TBC1D12: variants seen among roughly 807,000 people sequenced by gnomAD.
The protein encoded by TBC1D12 is TBC1 domain family, member 12.
Under a neutral mutation model 86.7 loss-of-function variants are expected in TBC1D12, and 56 were observed. The ratio of observed to expected loss-of-function variants is 0.65; its 90% CI spans 0.52 to 0.81. The LOEUF (loss-of-function observed/expected upper bound fraction) is 0.81. Among genes scored for constraint, TBC1D12 ranks in the 30% least tolerant of loss-of-function variants. The pLI is 0.00. For synonymous variants in TBC1D12, 421 were observed against 411.7 expected, an observed-to-expected ratio of 1.02 and a Z score of -0.27; for missense variants, 1,023 against 1,038.8, an observed-to-expected ratio of 0.98 and a Z score of 0.21.
At chr10:94,528,161 A>G (rs576147215) in intron 11 of TBC1D12, among the ~76,000 whole-genome samples, 1 of 152,088 alleles carries the variant, frequency 6.6e-6, no homozygotes, top group Non-Finnish European at 1.5e-5. Flanking sequence ...TATAGATTAT[A>G]TTGGGTAGTA....
rs531797574 is a variant in TBC1D12, at chr10:94,402,928, A to G, written c.315A>G (p.Arg105=). 3.1e-5 allele frequency: 47 copies of G among 1,535,992 alleles called. No individual in the cohort carries two copies. The African/African-American group carries it at 5.6e-4, about 18-fold the overall frequency. Residue 105 remains arginine, a synonymous_variant, in exon 1 of 13, where the codon CGA becomes CGG. Coordinates refer to ENST00000225235, the MANE Select transcript of TBC1D12 (RefSeq NM_015188.2). ...CCCCGCCGCCCTCGGCAGCCCCACGATCGGACGCCTGCCTGCTGGGCTCGG... is the reference window on the plus strand; with the variant it reads ...CCCCGCCGCCCTCGGCAGCCCCACGGTCGGACGCCTGCCTGCTGGGCTCGG... ...AGAPPPSAAP[R]SDACLLGSGS...
chr10:94,440,109 C>G (rs2055358042), intron 1 of TBC1D12, among the ~76,000 whole-genome samples: 1 of 152,050 alleles, frequency 6.6e-6, no homozygotes, highest in East Asian at 1.9e-4. Context: ...AGAAATTACT[C>G]TAGTGTCATA....
intron 9 of TBC1D12, among the ~76,000 whole-genome samples, chr10:94,515,624 C>T (rs1005548919): frequency 2.6e-5 from 4 of 152,182 alleles, no homozygotes; most frequent in South Asian, 2.1e-4. Context: ...GCTGGGATTA[C>T]AGGCGTGAGC....
Position 94,531,387 on chromosome 10 carries a change from A to T in TBC1D12, c.2186A>T (p.Asp729Val), listed in dbSNP as rs1185360950. ...CAGTTTCTAACTAAATTGCCAGAAG[A>T]TATCACATCGGAAAAGCTGTTCAGT... is the stretch of plus-strand genomic sequence containing the variant. ...IAQFLTKLPE[D>V]ITSEKLFSCI... is the part of the protein sequence containing the mutation. The change falls in exon 12 of 13, where the codon GAT becomes GTT. Residue 729 changes from aspartate to valine, a missense_variant. Around this residue, in one of 2 missense-constraint regions of TBC1D12, gnomAD observed 395 missense variants for 507.7 expected, o/e 0.78. Transcript: ENST00000225235. The T allele has an allele frequency of 6.2e-7, 1 of 1,614,152 alleles. No individual in the cohort carries two copies. Among genetic ancestry groups the T allele is most frequent in the Admixed American group, 1.7e-5 (1 of 60,030 alleles).
chr10:94,507,161 A>G lies in TBC1D12; in HGVS notation c.1520-106A>G. Reference sequence around the variant, plus strand: ...ATTTGCCACTTTTTTGATGCTTGCTACATCAGAGAGACCTGACCTGTAATA... The same window carrying G: ...ATTTGCCACTTTTTTGATGCTTGCTGCATCAGAGAGACCTGACCTGTAATA... On this transcript the variant is annotated intron_variant, in intron 6 of 12. Transcript: ENST00000225235. 6.7e-6 allele frequency: 7 copies of G among 1,048,956 alleles called. No homozygotes were observed. The South Asian group carries it at 1.0e-4, about 16-fold the overall frequency. The allele number at this position is 1,048,956 out of a possible 1,614,324, so 65.0% of individuals were successfully genotyped here.
intron 7 of TBC1D12, 40 bp downstream of exon 7, chr10:94,507,387 A>G: frequency 6.6e-7 from 1 of 1,521,222 alleles, no homozygotes; most frequent in Non-Finnish European, 9.0e-7. Flanking sequence ...TAGGATGAAA[A>G]TTCAGATACT....
intron 10 of TBC1D12, 31 bp downstream of exon 10, chr10:94,522,114 T>G: frequency 1.3e-6 from 2 of 1,599,094 alleles, no homozygotes; most frequent in Non-Finnish European, 1.7e-6. Flanking sequence ...CCATTGTTTC[T>G]GTAGTTTGAA....
intron 2 of TBC1D12, among the ~76,000 whole-genome samples, chr10:94,447,975 C>T (rs2055495105): frequency 6.6e-6 from 1 of 151,352 alleles, no homozygotes; most frequent in Non-Finnish European, 1.5e-5. Flanking sequence ...ATATTGGCAT[C>T]TTTAATGTGA....
At chr10:94,444,733 C>CTTT (rs528326665) in intron 2 of TBC1D12, among the ~76,000 whole-genome samples, 1 of 138,794 alleles carries the variant, frequency 7.2e-6, no homozygotes, top group Non-Finnish European at 1.6e-5. Context: ...CTCACATTCT[C>CTTT]TTTTTTTTTT....
intron 5 of TBC1D12, among the ~76,000 whole-genome samples, chr10:94,499,171 A>T (rs957712604): frequency 3.9e-5 from 6 of 152,220 alleles, no homozygotes; most frequent in African/African-American, 1.4e-4. Context: ...GTGGTAAAAC[A>T]TTTAAAATCT....
chr10:94,526,432 GAAA>G (rs1288214393), intron 11 of TBC1D12, among the ~76,000 whole-genome samples: 1 of 110,982 alleles, frequency 9.0e-6, no homozygotes, highest in South Asian at 2.8e-4. Flanking sequence ...CTGTCTCTGA[GAAA>G]AAAAAAAAAA....
intron 1 of TBC1D12, among the ~76,000 whole-genome samples, chr10:94,428,282 C>CTTTTT (rs894535771): frequency 1.0e-5 from 1 of 99,922 alleles, no homozygotes; most frequent in African/African-American, 3.7e-5. Flanking sequence ...TTTGGAACTT[C>CTTTTT]TTTTTTTTTT....
intron 6 of TBC1D12, among the ~76,000 whole-genome samples, chr10:94,502,419 T>G (rs2056409776): frequency 6.7e-6 from 1 of 149,492 alleles, no homozygotes; most frequent in Non-Finnish European, 1.5e-5. Context: ...TAAAATAGTT[T>G]ATAGGCCAGG....
At chr10:94,530,114 C>G (rs1037639697) in intron 11 of TBC1D12, among the ~76,000 whole-genome samples, 1 of 152,040 alleles carries the variant, frequency 6.6e-6, no homozygotes, top group African/African-American at 2.4e-5. Context: ...GCTTTTAGTT[C>G]CCTTCCTCAA....
At chr10:94,470,601 G>A (rs981307593) in intron 2 of TBC1D12, among the ~76,000 whole-genome samples, 18 of 151,534 alleles carry the variant, frequency 1.2e-4, no homozygotes, top group Middle Eastern at 3.4e-3. Flanking sequence ...AGGCACAAGT[G>A]ATCTGCCAGC....
At chr10:94,530,592 G>A (rs1468073342) in intron 11 of TBC1D12, among the ~76,000 whole-genome samples, 3 of 152,058 alleles carry the variant, frequency 2.0e-5, no homozygotes, top group Non-Finnish European at 4.4e-5. Context: ...ATCCTGAGAG[G>A]TAGGTAGTTT....
chr10:94,471,274 T>C (rs2055901434), intron 2 of TBC1D12, among the ~76,000 whole-genome samples: 1 of 140,966 alleles, frequency 7.1e-6, no homozygotes, highest in Admixed American at 7.2e-5. Flanking sequence ...AGACTCTGTA[T>C]CTCCAAAAAA....
intron 3 of TBC1D12, among the ~76,000 whole-genome samples, chr10:94,482,650 A>G (rs1003352882): frequency 1.3e-5 from 2 of 151,896 alleles, no homozygotes; most frequent in Non-Finnish European, 1.5e-5. Context: ...GGATTTTTCC[A>G]TGTTGGTCAG....
At chr10:94,420,698 T>C (rs190995101) in intron 1 of TBC1D12, among the ~76,000 whole-genome samples, 6 of 152,330 alleles carry the variant, frequency 3.9e-5, no homozygotes, top group Admixed American at 3.9e-4. Flanking sequence ...CAGTACAGCA[T>C]TACTTTTTAT....
Sources: allele counts gnomAD v4.1 joint callset (sites outside exome capture counted in the v4.1 genomes callset), GRCh38; gene constraint gnomAD v4.1.1; regional missense constraint gnomAD v4.1.1; transcripts MANE v1.5; gene names NCBI Gene and HGNC (gene_info 2026-07-23, HGNC 2026-07-21).